Variants in MARK2 observed in about 807,000 individuals in gnomAD.
MARK2 encodes the protein serine/threonine-protein kinase MARK2.
In MARK2, 16 loss-of-function variants were observed where a neutral mutation model predicts 89.8. That is an observed-to-expected ratio of 0.18 (90% CI 0.12 to 0.27). The LOEUF is 0.27. Among genes scored for constraint, MARK2 ranks in the 10% least tolerant of loss-of-function variants. The pLI, the probability that MARK2 is intolerant of heterozygous loss-of-function variation, is 1.00. For missense variants in MARK2, 621 were observed against 1,049.9 expected (o/e 0.59, Z 5.65); for synonymous variants, 382 against 399.5 (o/e 0.96, Z 0.52).
At chr11:63,878,458 C>T (rs1264843519) in intron 1 of MARK2, among the ~76,000 whole-genome samples, 2 of 150,928 alleles carry the variant, frequency 1.3e-5, no homozygotes, top group Non-Finnish European at 2.9e-5. Context: ...CAAGCTCCGC[C>T]TCCTGGGTTC....
intron 1 of MARK2, among the ~76,000 whole-genome samples, chr11:63,864,212 C>T (rs544475336): frequency 4.6e-5 from 7 of 152,130 alleles, no homozygotes; most frequent in African/African-American, 1.4e-4. Flanking sequence ...CCTCGGCCTC[C>T]CAAAGTGCTG....
intron 1 of MARK2, among the ~76,000 whole-genome samples, chr11:63,843,881 T>A (rs1201324846): frequency 6.6e-6 from 1 of 151,102 alleles, no homozygotes; most frequent in Non-Finnish European, 1.5e-5. Context: ...GGATAAATAT[T>A]TTTTTTTTGC....
rs528703337 is a variant in MARK2, at chr11:63,862,598, G to A, written c.54+23038G>A. Among the ~76,000 whole-genome samples the A allele has an allele frequency of 6.6e-5, 10 of 152,266 alleles. No individual in the cohort carries two copies. In the East Asian group the frequency reaches 1.9e-3, roughly 29 times the overall value. The stretch of plus-strand genomic sequence containing the variant: ...TCTGGGCTCACCTCCCTACTATTGA[G>A]GGCTCTACGCAAGAGCTATGGGAGA... On this transcript the variant is annotated intron_variant, in intron 1 of 18. Transcript: ENST00000402010.
chr11:63,875,481 G>C (rs1938694483), intron 1 of MARK2, among the ~76,000 whole-genome samples: 1 of 151,948 alleles, frequency 6.6e-6, no homozygotes, highest in South Asian at 2.1e-4. Context: ...CGAACTCCTT[G>C]CCTCAAATGA....
intron 1 of MARK2, among the ~76,000 whole-genome samples, chr11:63,889,609 A>G (rs1939671553): frequency 6.6e-6 from 1 of 152,392 alleles, no homozygotes; most frequent in Admixed American, 6.5e-5. Flanking sequence ...GGGGCCTGAC[A>G]GGCCCAGTGG....
At chr11:63,908,144 T>C in intron 17 of MARK2, 116 bp from the exon 18 acceptor site, 1 of 886,946 alleles carries the variant, frequency 1.1e-6, no homozygotes, top group South Asian at 1.5e-5. Flanking sequence ...GGCCCTGGGC[T>C]TGGGTCCTGC....
At position 63,895,580 on chromosome 11, in the gene MARK2, G is replaced by A; in HGVS notation, c.235G>A (p.Val79Ile). 2 of 1,613,426 alleles carry A rather than the reference G, an allele frequency of 1.2e-6. No homozygotes were observed. Among genetic ancestry groups the A allele is most frequent in the Non-Finnish European group, 1.7e-6 (2 of 1,179,810 alleles). Residue 79 changes from valine to isoleucine, a missense_variant and splice_region_variant, in exon 3 of 19, where the codon GTA becomes ATA. Val to Ile is a conservative substitution (Grantham distance 29, BLOSUM62 3). Around this residue, in one of 5 missense-constraint regions of MARK2, gnomAD observed 82 missense variants for 287.7 expected, o/e 0.29. Coordinates refer to ENST00000402010, the MANE Select transcript of MARK2 (RefSeq NM_001039469.3). ...LARHILTGKE[V>I]AVKIIDKTQL... ...TGGGGCCTTTTTGTCTCATCCTCAG[G>A]TAGCTGTGAAGATCATTGACAAGAC... is the stretch of plus-strand genomic sequence containing the variant.
intron 1 of MARK2, chr11:63,889,028 A>T: frequency 8.0e-7 from 1 of 1,246,164 alleles, no homozygotes; most frequent in South Asian, 1.2e-5. Flanking sequence ...CATCTCAAAC[A>T]TAGGATCTTT....
intron 1 of MARK2, chr11:63,869,393 C>T (rs1444286875): frequency 6.1e-6 from 1 of 163,902 alleles, no homozygotes; most frequent in Admixed American, 5.9e-5. Context: ...GTGCTAGGAA[C>T]TAGGTGTGCC....
chr11:63,877,694 CA>C (rs796998863), intron 1 of MARK2, among the ~76,000 whole-genome samples: 20 of 149,964 alleles, frequency 1.3e-4, no homozygotes, highest in African/African-American at 4.6e-4. Flanking sequence ...GACCCTGTCT[CA>C]AAAAAAAAGT....
intron 1 of MARK2, among the ~76,000 whole-genome samples, chr11:63,860,941 A>G (rs1937731190): frequency 6.6e-6 from 1 of 152,184 alleles, no homozygotes; most frequent in Non-Finnish European, 1.5e-5. Flanking sequence ...AAAACTGTTT[A>G]ATCAAGTGCT....
At chr11:63,894,559 G>A (rs1940199160) in intron 1 of MARK2, among the ~76,000 whole-genome samples, 1 of 152,174 alleles carries the variant, frequency 6.6e-6, no homozygotes, top group Admixed American at 6.5e-5. Context: ...AGCCAGGCGT[G>A]GTGGCGCATG....
intron 1 of MARK2, among the ~76,000 whole-genome samples, chr11:63,846,711 A>T (rs1167325686): frequency 6.7e-6 from 1 of 148,796 alleles, no homozygotes; most frequent in South Asian, 2.2e-4. Flanking sequence ...GCTGGAGTGC[A>T]GTGGCACGAT....
rs150097229 is a variant in MARK2 at position 63,869,258 on chromosome 11, G to C, written c.55-25901G>C. ...GGCAGGGAGGCTGAAACTGCTGCTT[G>C]CTAGGCTTTGCCAACTCAGTTTCTC... On this transcript the variant is annotated intron_variant, in intron 1 of 18. Transcript: ENST00000402010. 8 of 150,032 alleles carry C rather than the reference G, an allele frequency of 5.3e-5. 1 individual carries two copies. The East Asian group carries it at 1.7e-3, about 31-fold the overall frequency. 9.3% of individuals were successfully genotyped at this position (150,032 alleles called of 1,614,324 possible). A position where few individuals can be genotyped will look rare whatever the true frequency, so the allele number is the denominator to read the frequency against.
At chr11:63,895,738 C>G (rs545664452) in intron 3 of MARK2, 105 bp downstream of exon 3, 1 of 981,414 alleles carries the variant, frequency 1.0e-6, no homozygotes, top group Non-Finnish European at 1.6e-6. Context: ...GGTGTGATCT[C>G]GGCTCACTGC....
At position 63,903,640 on chromosome 11, in the gene MARK2, T is replaced by C. The variant is rs556451250; in HGVS notation, c.1515-346T>C. ...CTATCTCTTCTGAGTTTATGAAAGT[T>C]TCCCCTCAGCAACACCCCACTCTTT... On this transcript the variant is annotated intron_variant, in intron 14 of 18. Transcript: ENST00000402010. The surrounding 1 kb of genome is among the most constrained non-coding windows in gnomAD (Gnocchi z 5.1). Among the ~76,000 whole-genome samples, 4 of 152,094 alleles carry C rather than the reference T, an allele frequency of 2.6e-5. No individual in the cohort carries two copies. Among genetic ancestry groups the C allele is most frequent in the Middle Eastern group, 3.4e-3 (1 of 294 alleles).
At chr11:63,906,149 G>GTC (rs998007427) in intron 17 of MARK2, 35 bp downstream of exon 17, 5 of 1,293,522 alleles carry the variant, frequency 3.9e-6, no homozygotes, top group Non-Finnish European at 4.9e-6. Context: ...GTGTGTGTGT[G>GTC]TGTGTGTCTG....
chr11:63,857,872 T>C (rs2016947032), intron 1 of MARK2, among the ~76,000 whole-genome samples: 1 of 152,148 alleles, frequency 6.6e-6, no homozygotes, highest in Admixed American at 6.6e-5. Flanking sequence ...AGACAAGTTC[T>C]CATTCTGTCA....
chr11:63,903,317 T>G lies in MARK2; in HGVS notation c.1514+159T>G, dbSNP rs1482043817. The G allele has an allele frequency of 3.2e-6, 2 of 628,692 alleles. No individual in the cohort carries two copies. Among genetic ancestry groups the G allele is most frequent in the Non-Finnish European group, 5.7e-6 (2 of 351,392 alleles). The allele number at this position is 628,692 out of a possible 1,614,324, so 38.9% of individuals were successfully genotyped here. ...CCAGTCCAGCTTTCCCCTCCCCTAT[T>G]CCACGCCATTGCCTCCTCCCCATCT... On this transcript the variant is annotated intron_variant, in intron 14 of 18. Transcript: ENST00000402010. This position sits in a 1 kb window ranked among gnomAD's most constrained non-coding sequence, Gnocchi z 5.1.
Sources: gnomAD v4.1 joint callset for allele counts (sites outside exome capture counted in the v4.1 genomes callset) on GRCh38, gnomAD v4.1.1 for gene constraint, gnomAD v4.1.1 regional missense constraint, Gnocchi (gnomAD v3.1) non-coding constraint, MANE v1.5 for transcripts, NCBI Gene and HGNC (gene_info 2026-07-23, HGNC 2026-07-21) for gene names.